The following ANKRD28 variants were observed in gnomAD, a reference collection of about 807,000 sequenced individuals.
ANKRD28 encodes the protein ankyrin repeat domain 28.
A neutral mutation model predicts 126.5 loss-of-function variants in ANKRD28; 44 were observed. The observed-to-expected ratio is 0.35, with a 90% confidence interval of 0.27 to 0.45. The LOEUF (loss-of-function observed/expected upper bound fraction) is 0.45. Among genes scored for constraint, ANKRD28 ranks in the 20% least tolerant of loss-of-function variants. ANKRD28 has a pLI of 1.00. For missense variants in ANKRD28, 1,110 were observed against 1,316.6 expected (o/e 0.84, Z 2.43); for synonymous variants, 442 against 468.5 (o/e 0.94, Z 0.73).
chr3:15,801,911 G>GGT (rs2060472392), upstream of ANKRD28, among the ~76,000 whole-genome samples: 1 of 152,174 alleles, frequency 6.6e-6, no homozygotes, highest in African/African-American at 2.4e-5. The surrounding 1 kb of genome is among the most constrained non-coding windows in gnomAD (Gnocchi z 4.9). Context: ...GATCTCAAGT[G>GGT]GTGTGATCCC....
chr3:15,818,284 A>T (rs754389620), intron 1 of ANKRD28, among the ~76,000 whole-genome samples: 3 of 152,224 alleles, frequency 2.0e-5, no homozygotes, highest in Non-Finnish European at 2.9e-5. Flanking sequence ...GAAATGCTGT[A>T]AACTCTGAAA....
intron 21 of ANKRD28, among the ~76,000 whole-genome samples, chr3:15,680,145 C>T (rs747989235): frequency 7.9e-5 from 12 of 151,886 alleles, no homozygotes; most frequent in Non-Finnish European, 1.2e-4. Context: ...TGTTTAATTC[C>T]GCAACTTGCC....
chr3:15,792,912 G>T (rs1310141306), intron 2 of ANKRD28, among the ~76,000 whole-genome samples: 1 of 151,966 alleles, frequency 6.6e-6, no homozygotes. Context: ...ACTAAGAAAC[G>T]TGCTGTTTAG....
chr3:15,826,769 T>C (rs779218388), intron 1 of ANKRD28, among the ~76,000 whole-genome samples: 10 of 152,166 alleles, frequency 6.6e-5, no homozygotes, highest in African/African-American at 1.4e-4. Flanking sequence ...GGCGGCAAAA[T>C]TGGAGAAGAG....
At position 15,679,396 on chromosome 3, in the gene ANKRD28, A is replaced by T. The variant is rs1409721832; in HGVS notation, c.2478-12T>A. ...CGTTGTCATTTATCCTGTGTAAGGT[A>T]ACAAGGTGATCATTCTCACAGCAAT... On this transcript the variant is annotated splice_polypyrimidine_tract_variant and intron_variant, in intron 22 of 27. Coordinates refer to ENST00000683139, the MANE Select transcript of ANKRD28 (RefSeq NM_001349278.2). The T allele has an allele frequency of 7.4e-6, 12 of 1,613,810 alleles. No homozygotes were observed. The highest frequency in any genetic ancestry group is 1.0e-5 in the Non-Finnish European group (12 of 1,179,676).
intron 2 of ANKRD28, among the ~76,000 whole-genome samples, chr3:15,783,031 G>GT (rs922073310): frequency 2.5e-4 from 38 of 150,962 alleles, no homozygotes; most frequent in African/African-American, 7.8e-4. Flanking sequence ...CAATGGGACA[G>GT]TTTTTTTTTA....
chr3:15,802,124 T>A (rs1391481774), upstream of ANKRD28, among the ~76,000 whole-genome samples: 2 of 152,188 alleles, frequency 1.3e-5, no homozygotes, highest in Admixed American at 6.5e-5. Flanking sequence ...TCAGCTCTCT[T>A]GTAGCTAGGA....
chr3:15,670,629 A>G lies in ANKRD28; in HGVS notation c.2966-73T>C. 3 of 1,416,766 alleles carry G rather than the reference A, an allele frequency of 2.1e-6. No homozygotes were observed. In the South Asian group the frequency reaches 4.1e-5, roughly 19 times the overall value. 87.8% of individuals were successfully genotyped at this position (1,416,766 alleles called of 1,614,324 possible). A position where few individuals can be genotyped will look rare whatever the true frequency, so the allele number is the denominator to read the frequency against. ...TCACCAAAGACAAGGAAATAAGCCT[A>G]AAGTACTTCAACTTTAGACATATTT... is the stretch of plus-strand genomic sequence containing the variant. On this transcript the variant is annotated intron_variant, in intron 27 of 27. Coordinates refer to ENST00000683139, the MANE Select transcript of ANKRD28 (RefSeq NM_001349278.2).
chr3:15,815,091 A>T lies in ANKRD28; in HGVS notation c.28-19785T>A, dbSNP rs1437952938. On this transcript the variant is annotated intron_variant, in intron 1 of 27. Transcript: ENST00000399451. This position sits in a 1 kb window ranked among gnomAD's most constrained non-coding sequence, Gnocchi z 4.1. ...TGCTTCTATTTTAAAATTCATATAT[A>T]ATAATTTTTCTAAGAATATTATATA... 6.6e-6 allele frequency among the ~76,000 whole-genome samples: 1 copy of T among 151,586 alleles called. No homozygotes were observed. The highest frequency in any genetic ancestry group is 1.9e-4 in the East Asian group (1 of 5,198).
intron 2 of ANKRD28, among the ~76,000 whole-genome samples, chr3:15,784,498 A>G (rs1298904284): frequency 6.8e-6 from 1 of 146,280 alleles, no homozygotes; most frequent in Non-Finnish European, 1.5e-5. Flanking sequence ...TAAGACATTT[A>G]CTTAAAAAAA....
intron 3 of ANKRD28, among the ~76,000 whole-genome samples, chr3:15,764,203 A>G (rs530148693): frequency 6.6e-6 from 1 of 152,356 alleles, no homozygotes; most frequent in South Asian, 2.1e-4. Context: ...TGGGCGACAG[A>G]GCGAGATTCT....
rs2067299638 is a variant in ANKRD28, at chr3:15,679,520, G to A, written c.2433C>T (p.Phe811=). Residue 811 remains phenylalanine (F), a synonymous_variant, in exon 22 of 28, where the codon TTC becomes TTT. Coordinates refer to ENST00000683139, the MANE Select transcript of ANKRD28 (RefSeq NM_001349278.2). ...CVELLLEQEV[F]QKTEGNAFSP... ...TAAAAGCATTTCCTTCCGTTTTCTG[G>A]AAAACTTCCTGTTCTAAAAGCAGTT... 6.2e-7 allele frequency: 1 copy of A among 1,613,442 alleles called. No homozygotes were observed.
chr3:15,744,771 G>A lies in ANKRD28; in HGVS notation c.351+6979C>T, dbSNP rs138645309. 3.1e-3 allele frequency among the ~76,000 whole-genome samples: 471 copies of A among 152,086 alleles called. 4 individuals carry two copies. The highest frequency in any genetic ancestry group is 9.9e-3 in the African/African-American group (410 of 41,476). ...TCTCTGGATTGATATCTAAGTGGTG[G>A]GATTGCTGGATCAAATGGTAGATTT... On this transcript the variant is annotated intron_variant, in intron 4 of 27. Transcript: ENST00000683139.
At chr3:15,756,400 G>A (rs558748315) in intron 3 of ANKRD28, 301 of 671,404 alleles carry the variant, frequency 4.5e-4, no homozygotes, top group African/African-American at 3.7e-3. Context: ...TAAAAGAAAA[G>A]GTTACCTAAA....
intron 2 of ANKRD28, among the ~76,000 whole-genome samples, chr3:15,782,777 T>C (rs1406659533): frequency 6.6e-6 from 1 of 152,050 alleles, no homozygotes; most frequent in South Asian, 2.1e-4. Context: ...CATCCCTCAT[T>C]TGTACAAGCA....
chr3:15,676,663 ATAT>A (rs1487645829), intron 26 of ANKRD28: 2 of 218,458 alleles, frequency 9.2e-6, no homozygotes, highest in Non-Finnish European at 1.8e-5. Context: ...TTCAAGTAAC[ATAT>A]TATTACAGTT....
In ANKRD28 at chr3:15,770,886, G is replaced by A. The variant is rs144472876; in HGVS notation, c.202-4574C>T. Among the ~76,000 whole-genome samples, 208 of 152,284 alleles carry A rather than the reference G, an allele frequency of 1.4e-3. 1 individual carries two copies. The highest frequency in any genetic ancestry group is 6.8e-3 in the Middle Eastern group (2 of 294). ...AGTAACTATGTAGAATGGTGAGAGT[G>A]TCTTAGAGAAGGAGAGCAAACCTGA... On this transcript the variant is annotated intron_variant, in intron 2 of 27. Transcript: ENST00000683139.
chr3:15,800,096 A>G (rs903675595), upstream of ANKRD28, among the ~76,000 whole-genome samples: 2 of 152,110 alleles, frequency 1.3e-5, no homozygotes, highest in Non-Finnish European at 2.9e-5. Flanking sequence ...CTAAGGGCTC[A>G]GGAGTCAGCC....
chr3:15,675,692 C>T (rs533806026), intron 27 of ANKRD28, among the ~76,000 whole-genome samples: 18 of 152,346 alleles, frequency 1.2e-4, no homozygotes, highest in African/African-American at 3.8e-4. Context: ...TTTGCTGTAA[C>T]AGATGATATA....
Sources: allele counts gnomAD v4.1 joint callset (sites outside exome capture counted in the v4.1 genomes callset), GRCh38; gene constraint gnomAD v4.1.1; non-coding constraint Gnocchi (gnomAD v3.1); transcripts MANE v1.5; gene names NCBI Gene and HGNC (gene_info 2026-07-23, HGNC 2026-07-21).